Variants in STK38L observed in about 807,000 individuals in gnomAD.
STK38L encodes serine/threonine-protein kinase 38-like.
STK38L carries 28 observed loss-of-function variants against 59.7 expected under a neutral mutation model. The observed-to-expected ratio is 0.47, with a 90% confidence interval of 0.35 to 0.64. The LOEUF (loss-of-function observed/expected upper bound fraction) is 0.64, where lower values mean the gene tolerates loss of function less well. Among genes scored for constraint, STK38L ranks in the 30% least tolerant of loss-of-function variants. STK38L has a pLI of 0.01. For missense variants in STK38L, 314 were observed against 555.8 expected (o/e 0.56, Z 4.37); for synonymous variants, 162 against 176.8 (o/e 0.92, Z 0.66).
Position 27,308,185 on chromosome 12 carries a change from T to C in STK38L, c.187-154T>C, listed in dbSNP as rs1259347630. Among the ~76,000 whole-genome samples, 2 of 152,080 alleles carry C rather than the reference T, an allele frequency of 1.3e-5. No homozygotes were observed. The highest frequency in any genetic ancestry group is 2.9e-5 in the Non-Finnish European group (2 of 67,998). On this transcript the variant is annotated intron_variant, in intron 3 of 13. Coordinates refer to ENST00000389032, the MANE Select transcript of STK38L (RefSeq NM_015000.4). This position sits in a 1 kb window ranked among gnomAD's most constrained non-coding sequence, Gnocchi z 4.5. ...GTAAAGATTTATCAGTTGTTAAAAA[T>C]TTTAGAAAGTTTTCTTTAAATTGTT...
At chr12:27,264,505 G>T (rs1387769177) in intron 1 of STK38L, among the ~76,000 whole-genome samples, 1 of 152,030 alleles carries the variant, frequency 6.6e-6, no homozygotes. Context: ...TTTACCTTTG[G>T]GCATAATTAA....
chr12:27,294,943 A>G (rs1943981207), intron 1 of STK38L, among the ~76,000 whole-genome samples: 1 of 151,996 alleles, frequency 6.6e-6, no homozygotes, highest in Non-Finnish European at 1.5e-5. Flanking sequence ...CTTGGCCTCA[A>G]ATGATCTTGG....
chr12:27,282,483 A>G (rs896178504), intron 1 of STK38L, among the ~76,000 whole-genome samples: 1 of 152,234 alleles, frequency 6.6e-6, no homozygotes, highest in Non-Finnish European at 1.5e-5. Context: ...ATATATAAAA[A>G]TATGCTTAAG....
At chr12:27,319,098 AAC>A (rs1303388534) in intron 11 of STK38L, among the ~76,000 whole-genome samples, 1 of 152,238 alleles carries the variant, frequency 6.6e-6, no homozygotes, top group Non-Finnish European at 1.5e-5. Context: ...CTATGGTAGC[AAC>A]ACAGTATTTT....
intron 1 of STK38L, among the ~76,000 whole-genome samples, chr12:27,247,299 A>G (rs974501163): frequency 3.9e-5 from 6 of 152,210 alleles, no homozygotes; most frequent in Non-Finnish European, 5.9e-5. Context: ...ATTCTGACCC[A>G]GGCATTCTGG....
chr12:27,258,929 A>T (rs1370421583), intron 1 of STK38L, among the ~76,000 whole-genome samples: 3 of 150,790 alleles, frequency 2.0e-5, no homozygotes, highest in African/African-American at 7.3e-5. Flanking sequence ...GAGTTTTGTT[A>T]TTTAATTGGT....
intron 1 of STK38L, among the ~76,000 whole-genome samples, chr12:27,262,355 A>G (rs960717731): frequency 3.9e-5 from 6 of 152,204 alleles, no homozygotes; most frequent in African/African-American, 1.2e-4. Flanking sequence ...TATAATTTAC[A>G]TTTAGTAAAT....
intron 2 of STK38L, among the ~76,000 whole-genome samples, chr12:27,300,379 A>G (rs1944138021): frequency 6.6e-6 from 1 of 152,256 alleles, no homozygotes; most frequent in East Asian, 1.9e-4. Flanking sequence ...GATATGGTAG[A>G]AATGGATAAA....
chr12:27,301,774 T>C (rs893961393), intron 2 of STK38L, among the ~76,000 whole-genome samples: 1 of 152,226 alleles, frequency 6.6e-6, no homozygotes, highest in African/African-American at 2.4e-5. Context: ...TTAGTCAGTA[T>C]AGTTATCTTT....
chr12:27,305,409 CTAA>C (rs1334003314), intron 3 of STK38L, among the ~76,000 whole-genome samples: 2 of 141,732 alleles, frequency 1.4e-5, no homozygotes, highest in South Asian at 2.2e-4. Flanking sequence ...TATAAAACTT[CTAA>C]TGTTTTTCTC....
At chr12:27,305,586 AAAAAT>A (rs1159015997) in intron 3 of STK38L, among the ~76,000 whole-genome samples, 2 of 152,222 alleles carry the variant, frequency 1.3e-5, no homozygotes, top group African/African-American at 4.8e-5. Context: ...ATTGTCTCAT[AAAAAT>A]AAAATAGATA....
intron 1 of STK38L, among the ~76,000 whole-genome samples, chr12:27,248,581 G>A (rs1942906651): frequency 1.3e-5 from 2 of 152,204 alleles, no homozygotes; most frequent in African/African-American, 4.8e-5. Flanking sequence ...TAACTGTCCA[G>A]CAGGATCCAG....
chr12:27,316,606 C>T (rs980904676), intron 9 of STK38L, among the ~76,000 whole-genome samples: 2 of 152,158 alleles, frequency 1.3e-5, no homozygotes, highest in Non-Finnish European at 2.9e-5. Context: ...AATCTGTGGT[C>T]CTACATTTTG....
At chr12:27,304,119 C>T (rs1010259703) in intron 3 of STK38L, among the ~76,000 whole-genome samples, 4 of 151,754 alleles carry the variant, frequency 2.6e-5, no homozygotes, top group Non-Finnish European at 5.9e-5. Context: ...AAAAATTAAG[C>T]ATGGTGTCCT....
intron 1 of STK38L, among the ~76,000 whole-genome samples, chr12:27,281,739 A>G (rs1038731222): frequency 5.3e-5 from 8 of 152,116 alleles, no homozygotes; most frequent in African/African-American, 1.9e-4. Flanking sequence ...ATTTTCTGTC[A>G]AAGAGTAAAT....
At chr12:27,267,740 G>A (rs1189104152) in intron 1 of STK38L, among the ~76,000 whole-genome samples, 2 of 3,748 alleles carry the variant, frequency 5.3e-4, no homozygotes, top group Admixed American at 1.3e-3. Flanking sequence ...TTCCTCATTC[G>A]AAACTAGATA....
At chr12:27,244,826 A>G (rs770860436) in intron 1 of STK38L, among the ~76,000 whole-genome samples, 32 of 152,208 alleles carry the variant, frequency 2.1e-4, no homozygotes, top group Non-Finnish European at 3.4e-4. Flanking sequence ...AGACAGACTC[A>G]GGAAAGCCTC....
intron 1 of STK38L, among the ~76,000 whole-genome samples, chr12:27,296,650 T>C (rs1219911551): frequency 3.3e-5 from 5 of 152,222 alleles, no homozygotes; most frequent in African/African-American, 7.2e-5. Flanking sequence ...ATGGTCACTC[T>C]TGGCAAGCTG....
chr12:27,320,613 A>C (rs1331484519), intron 12 of STK38L, among the ~76,000 whole-genome samples: 1 of 151,746 alleles, frequency 6.6e-6, no homozygotes, highest in Non-Finnish European at 1.5e-5. Context: ...CTAATTTTTA[A>C]AAATCATTTA....
Sources: gnomAD v4.1 joint callset for allele counts (sites outside exome capture counted in the v4.1 genomes callset) on GRCh38, gnomAD v4.1.1 for gene constraint, Gnocchi (gnomAD v3.1) non-coding constraint, MANE v1.5 for transcripts, NCBI Gene and HGNC (gene_info 2026-07-23, HGNC 2026-07-21) for gene names.